TNPO3: variants seen among roughly 807,000 people sequenced by gnomAD.
TNPO3 encodes transportin-3.
TNPO3 carries 65 observed loss-of-function variants against 122.8 expected under a neutral mutation model. The observed-to-expected ratio is 0.53, with a 90% CI of 0.43 to 0.65. TNPO3 has a LOEUF of 0.65. Ranked by LOEUF, TNPO3 falls within the 30% of genes least tolerant of loss-of-function variation. The pLI is 0.00. For synonymous variants in TNPO3, 372 were observed against 411.2 expected (o/e 0.90, Z 1.15); for missense variants, 850 against 1,136.7 (o/e 0.75, Z 3.63).
At chr7:128,988,151 A>G (rs1202360939) in intron 11 of TNPO3, among the ~76,000 whole-genome samples, 1 of 151,226 alleles carries the variant, frequency 6.6e-6, no homozygotes, top group Non-Finnish European at 1.5e-5. Context: ...ATTTTCCTGT[A>G]TTTTTAGTAG....
chr7:128,967,350 T>C lies in TNPO3; in HGVS notation c.2641A>G (p.Lys881Glu). 1.2e-6 allele frequency: 2 copies of C among 1,614,064 alleles called. No individual in the cohort carries two copies. The highest frequency in any genetic ancestry group is 1.1e-5 in the South Asian group (1 of 91,070). ...WLENSLKGLP[K>E]ETTVGAVTVT... The stretch of plus-strand genomic sequence containing the variant: ...GTGACGGCTCCCACGGTTGTTTCCT[T>C]TGGCAAACCTTTTAAGGAATTTTCT... The change falls in exon 21 of 23, where the codon AAG (lysine) becomes GAG (glutamate). Residue 881 changes from lysine to glutamate, a missense_variant. Transcript: ENST00000265388.
At position 128,997,442 on chromosome 7, in the gene TNPO3, T is replaced by TGTAA; in HGVS notation, c.1101_1104dup (p.Ile369LeufsTer20). The TGTAA allele has an allele frequency of 6.2e-7, 1 of 1,614,246 alleles. No individual in the cohort carries two copies. On this transcript the variant is annotated frameshift_variant, in exon 8 of 23. Coordinates refer to ENST00000265388, the MANE Select transcript of TNPO3 (RefSeq NM_012470.4). LOFTEE classifies it high-confidence loss of function. ...GCCAAGGCGTGAAGCAGCCTCTGAA[T>TGTAA]GTAAGCTTTGAAGATGCCATGAATA...
intron 1 of TNPO3, among the ~76,000 whole-genome samples, chr7:129,022,571 C>A (rs1326220159): frequency 6.6e-6 from 1 of 151,098 alleles, no homozygotes; most frequent in Non-Finnish European, 1.5e-5. Flanking sequence ...CAACGCAGAA[C>A]AACCAATACT....
At chr7:129,016,645 C>A (rs565248899) in intron 3 of TNPO3, among the ~76,000 whole-genome samples, 1 of 152,280 alleles carries the variant, frequency 6.6e-6, no homozygotes, top group Admixed American at 6.5e-5. Flanking sequence ...ATATTCATAA[C>A]AACCTCCCAT....
At chr7:128,992,878 G>T (rs964140749) in intron 9 of TNPO3, among the ~76,000 whole-genome samples, 1 of 151,940 alleles carries the variant, frequency 6.6e-6, no homozygotes, top group Non-Finnish European at 1.5e-5. Context: ...TACATAATTT[G>T]TAAATTAAGT....
intron 21 of TNPO3, among the ~76,000 whole-genome samples, chr7:128,959,277 G>C (rs552828561): frequency 6.6e-6 from 1 of 152,296 alleles, no homozygotes; most frequent in South Asian, 2.1e-4. Flanking sequence ...TGAAAGTTAG[G>C]ACAGTGCTGG....
In TNPO3 at chr7:128,982,274, G is replaced by A; in HGVS notation, c.1833C>T (p.Phe611=). ...SNGISSDPTV[F]LDRLAVIFRH... Reference sequence around the variant, plus strand: ...TAAATATCACTGCAAGGCGATCTAAGAACACTGTGGGATCTGAGGATATGC... The same window carrying A: ...TAAATATCACTGCAAGGCGATCTAAAAACACTGTGGGATCTGAGGATATGC... Residue 611 remains phenylalanine (F), a synonymous_variant, in exon 14 of 23, where the codon TTC becomes TTT. Coordinates refer to ENST00000265388, the MANE Select transcript of TNPO3 (RefSeq NM_012470.4). 1 of 1,613,322 alleles carries A rather than the reference G, an allele frequency of 6.2e-7. No homozygotes were observed. The highest frequency in any genetic ancestry group is 1.1e-5 in the South Asian group (1 of 91,054).
At chr7:128,976,148 C>T (rs1799036424) in intron 16 of TNPO3, among the ~76,000 whole-genome samples, 2 of 152,230 alleles carry the variant, frequency 1.3e-5, no homozygotes, top group Admixed American at 1.3e-4. Flanking sequence ...GACCTTTCAT[C>T]TTCCCAAGAC....
chr7:128,989,996 A>C lies in TNPO3; in HGVS notation c.1463T>G (p.Met488Arg). Residue 488 changes from methionine (M) to arginine (R), a missense_variant, in exon 11 of 23, where the codon ATG becomes AGG. Physicochemically the swap from Met to Arg is moderately conservative, Grantham distance 91. Coordinates refer to ENST00000265388, the MANE Select transcript of TNPO3 (RefSeq NM_012470.4). ...AGGATTTCGATCAACGACTTCACTCATCTCTCCAACCAATTCAATGCTGGT... is the reference window on the plus strand; with the variant it reads ...AGGATTTCGATCAACGACTTCACTCCTCTCTCCAACCAATTCAATGCTGGT... Reference protein sequence around the residue: ...RYTSIELVGEMSEVVDRNPQF... With the variant: ...RYTSIELVGERSEVVDRNPQF... 6.2e-7 allele frequency: 1 copy of C among 1,614,244 alleles called. No individual in the cohort carries two copies. The highest frequency in any genetic ancestry group is 8.5e-7 in the Non-Finnish European group (1 of 1,180,032).
chr7:129,028,830 T>G (rs573197587), intron 1 of TNPO3: 1 of 240,344 alleles, frequency 4.2e-6, no homozygotes, highest in South Asian at 4.6e-5. Context: ...CTGGAAATAT[T>G]TCTTTCAATT....
At chr7:128,964,906 T>C (rs1190902473) in intron 21 of TNPO3, among the ~76,000 whole-genome samples, 1 of 152,170 alleles carries the variant, frequency 6.6e-6, no homozygotes, top group African/African-American at 2.4e-5. Flanking sequence ...AGAAAGAGGC[T>C]GGACCCTTAC....
rs1028173566 is a variant in TNPO3, at chr7:128,954,552, A to T, written c.*865T>A. The T allele has an allele frequency of 6.1e-5, 1 of 16,400 alleles. No individual in the cohort carries two copies. Among genetic ancestry groups the T allele is most frequent in the Admixed American group, 6.7e-4 (1 of 1,498 alleles). 1.0% of individuals were successfully genotyped at this position (16,400 alleles called of 1,614,324 possible). On this transcript the variant is annotated 3_prime_UTR_variant, in exon 23 of 23. Transcript: ENST00000265388. ...TCCTGCACTCCCCACCCACCCGCCC[A>T]CCCCAGTTTTGGCTCTTCTCTCCAA...
chr7:129,043,466 T>C (rs1807649840), intron 1 of TNPO3, among the ~76,000 whole-genome samples: 1 of 152,218 alleles, frequency 6.6e-6, no homozygotes, highest in Admixed American at 6.5e-5. Flanking sequence ...ATGACAGCAC[T>C]GCACAGTGGG....
chr7:129,047,741 T>C (rs1326783682), intron 1 of TNPO3, among the ~76,000 whole-genome samples: 2 of 152,214 alleles, frequency 1.3e-5, no homozygotes, highest in Non-Finnish European at 2.9e-5. Context: ...AAATACATAT[T>C]CTTGAAAGTA....
chr7:128,958,300 C>T (rs1797102736), intron 21 of TNPO3, among the ~76,000 whole-genome samples: 1 of 151,880 alleles, frequency 6.6e-6, no homozygotes, highest in African/African-American at 2.4e-5. Context: ...CCCACCACCA[C>T]GCCCGACTAT....
intron 1 of TNPO3, among the ~76,000 whole-genome samples, chr7:129,023,072 G>C (rs1309896332): frequency 2.0e-5 from 3 of 152,190 alleles, no homozygotes; most frequent in African/African-American, 7.2e-5. Flanking sequence ...TATACTGATA[G>C]TAGTAGTGTT....
At chr7:129,023,134 G>A (rs1804728210) in intron 1 of TNPO3, among the ~76,000 whole-genome samples, 1 of 152,056 alleles carries the variant, frequency 6.6e-6, no homozygotes, top group Non-Finnish European at 1.5e-5. Context: ...CAGAGCTACT[G>A]AGTAATTATA....
chr7:129,030,076 G>T, intron 1 of TNPO3: 1 of 153,920 alleles, frequency 6.5e-6, no homozygotes, highest in Non-Finnish European at 1.4e-5. Flanking sequence ...AGAGGAAGAT[G>T]AGTCAAGCGA....
intron 4 of TNPO3, among the ~76,000 whole-genome samples, chr7:129,007,013 C>A (rs1315899170): frequency 2.0e-5 from 3 of 152,162 alleles, no homozygotes; most frequent in African/African-American, 4.8e-5. Flanking sequence ...TCTCTCTCTT[C>A]CAGGCCATTA....
Sources: allele counts gnomAD v4.1 joint callset (sites outside exome capture counted in the v4.1 genomes callset), GRCh38; gene constraint gnomAD v4.1.1; transcripts MANE v1.5; gene names NCBI Gene and HGNC (gene_info 2026-07-23, HGNC 2026-07-21).